Variants in JAK2 observed in about 807,000 individuals in gnomAD.
JAK2 encodes the protein Janus kinase 2.
JAK2 carries 86 observed loss-of-function variants against 139.3 expected under a neutral mutation model. The ratio of observed to expected loss-of-function variants is 0.62; its 90% CI spans 0.52 to 0.74. The LOEUF is 0.74. JAK2 is among the 30% of genes least tolerant of loss of function. The pLI is 0.00. For missense variants in JAK2, 1,421 were observed against 1,360.3 expected, an observed-to-expected ratio of 1.04 and a Z score of -0.70; for synonymous variants, 490 against 437.7, an observed-to-expected ratio of 1.12 and a Z score of -1.49.
chr9:5,015,370 A>T, intron 2 of JAK2, among the ~76,000 whole-genome samples: 1 of 152,240 alleles, frequency 6.6e-6, no homozygotes, highest in African/African-American at 2.4e-5. Context: ...ATGAAATTAA[A>T]ATGATTTTCA....
chr9:5,081,729 T>C lies in JAK2; in HGVS notation c.2439T>C (p.Tyr813=), dbSNP rs776056357. The change falls in exon 19 of 25, where the codon TAT becomes TAC. Residue 813 remains tyrosine (Y), a synonymous_variant. Coordinates refer to ENST00000381652, the MANE Select transcript of JAK2 (RefSeq NM_004972.4). The part of the protein sequence containing the change: ...RDLNSLFTPD[Y]ELLTENDMLP... ...TAATATTCTTTATTTCTCCAGATTA[T>C]GAACTATTAACAGAAAATGACATGT... is the stretch of plus-strand genomic sequence containing the variant. The C allele has an allele frequency of 2.0e-5, 32 of 1,591,054 alleles. No individual in the cohort carries two copies. The highest frequency in any genetic ancestry group is 2.8e-5 in the Non-Finnish European group (32 of 1,159,794).
chr9:5,041,751 A>C (rs1021175204), intron 4 of JAK2: 1 of 491,256 alleles, frequency 2.0e-6, no homozygotes, highest in Non-Finnish European at 4.1e-6. Flanking sequence ...CCCCATCAGC[A>C]GTGTCCACAC....
intron 5 of JAK2, among the ~76,000 whole-genome samples, chr9:5,045,867 C>T: frequency 6.6e-6 from 1 of 152,052 alleles, no homozygotes; most frequent in East Asian, 1.9e-4. Flanking sequence ...CAAATATTTC[C>T]TTGAGTCCCT....
At position 5,126,949 on chromosome 9, in the gene JAK2, G is replaced by GT. The variant is rs1824040806; in HGVS notation, c.*159dup. On this transcript the variant is annotated 3_prime_UTR_variant, in exon 25 of 25. Transcript: ENST00000381652. ...ATCTGCTCAAAACTTTCAAAGTTTA[G>GT]TAAGTTTTTCTTCATGAGGCCACCA... 1 of 411,972 alleles carries GT rather than the reference G, an allele frequency of 2.4e-6. No homozygotes were observed. Among genetic ancestry groups the GT allele is most frequent in the Non-Finnish European group, 4.3e-6 (1 of 234,886 alleles). 25.5% of individuals were successfully genotyped at this position (411,972 alleles called of 1,614,324 possible).
At chr9:5,084,442 C>G (rs1819929211) in intron 19 of JAK2, among the ~76,000 whole-genome samples, 1 of 152,020 alleles carries the variant, frequency 6.6e-6, no homozygotes, top group Non-Finnish European at 1.5e-5. Flanking sequence ...CCTTTGTTAT[C>G]CTTTTCAATT....
At chr9:5,088,852 A>T (rs1249012098) in intron 19 of JAK2, among the ~76,000 whole-genome samples, 1 of 152,170 alleles carries the variant, frequency 6.6e-6, no homozygotes, top group Admixed American at 6.5e-5. Flanking sequence ...TTATAACCTA[A>T]TTTAACTTTT....
At chr9:5,092,977 A>G (rs1036177678) in intron 22 of JAK2, among the ~76,000 whole-genome samples, 1 of 152,228 alleles carries the variant, frequency 6.6e-6, no homozygotes, top group African/African-American at 2.4e-5. Flanking sequence ...AAAAGCAGCC[A>G]ACAATTAAGA....
At chr9:5,111,287 G>A in intron 22 of JAK2, 2 of 478,700 alleles carry the variant, frequency 4.2e-6, no homozygotes, top group Non-Finnish European at 4.0e-6. Flanking sequence ...CTGGCTTCCT[G>A]CCGGGCAAGC....
chr9:5,041,683 A>G, intron 4 of JAK2: 1 of 511,342 alleles, frequency 2.0e-6, no homozygotes, highest in African/African-American at 2.0e-5. Context: ...TACCTCTTCG[A>G]CCGAAGCGGC....
At position 5,064,882 on chromosome 9, in the gene JAK2, G is replaced by T. The variant is rs2130491330; in HGVS notation, c.1057-1G>T. On this transcript the variant is annotated splice_acceptor_variant, in intron 8 of 24. Transcript: ENST00000381652. LOFTEE classifies it high-confidence loss of function. ...TATTTCTTTTTCTTTTCTCTGCTTA[G>T]GAAATTGAACTTAGCTCATTAAGGG... 6.4e-7 allele frequency: 1 copy of T among 1,554,198 alleles called. No individual in the cohort carries two copies.
chr9:5,012,119 G>A (rs1168098625), intron 2 of JAK2, among the ~76,000 whole-genome samples: 1 of 152,048 alleles, frequency 6.6e-6, no homozygotes, highest in Non-Finnish European at 1.5e-5. Context: ...TCAATTTTTG[G>A]CTTTTCTAGC....
At chr9:5,046,641 T>C (rs914940046) in intron 5 of JAK2, among the ~76,000 whole-genome samples, 1 of 152,224 alleles carries the variant, frequency 6.6e-6, no homozygotes, top group African/African-American at 2.4e-5. Flanking sequence ...GCACCATTTG[T>C]TGAAAGACTG....
chr9:4,999,773 G>A (rs12376611), intron 2 of JAK2, among the ~76,000 whole-genome samples: 3,136 of 152,258 alleles, frequency 0.021, 46 homozygotes, highest in Non-Finnish European at 0.031. Context: ...TATCTTTATA[G>A]TATTCTGTTG....
At chr9:5,021,853 C>T in intron 2 of JAK2, 110 bp from the exon 3 acceptor site, 1 of 623,026 alleles carries the variant, frequency 1.6e-6, no homozygotes, top group Non-Finnish European at 2.8e-6. Flanking sequence ...GGCTTGTCTC[C>T]AACTTCTGGG....
At chr9:4,991,323 G>A (rs1820228073) in intron 2 of JAK2, among the ~76,000 whole-genome samples, 1 of 152,084 alleles carries the variant, frequency 6.6e-6, no homozygotes, top group African/African-American at 2.4e-5. Flanking sequence ...ACATTCTTCT[G>A]TTCATCTTTT....
At chr9:5,117,308 A>G (rs888268537) in intron 22 of JAK2, among the ~76,000 whole-genome samples, 2 of 152,226 alleles carry the variant, frequency 1.3e-5, no homozygotes, top group African/African-American at 4.8e-5. Context: ...CTTCTTTAGT[A>G]GACAGTGCGT....
intron 4 of JAK2, among the ~76,000 whole-genome samples, chr9:5,030,427 A>G (rs886753946): frequency 1.2e-4 from 18 of 152,184 alleles, no homozygotes; most frequent in Admixed American, 3.9e-4. Context: ...AGGATGAAAC[A>G]AAGATACGTT....
intron 22 of JAK2, chr9:5,111,747 GA>G: frequency 2.4e-6 from 1 of 424,668 alleles, no homozygotes; most frequent in Non-Finnish European, 4.6e-6. Flanking sequence ...CGGCTGCACG[GA>G]GGAGAAGTGA....
chr9:5,109,370 T>G (rs1210983696), intron 22 of JAK2: 1 of 152,152 alleles, frequency 6.6e-6, no homozygotes, highest in Non-Finnish European at 1.5e-5. Context: ...ACCAAGAAAG[T>G]ATGCAAGAAC....
Sources: gnomAD v4.1 joint callset for allele counts (sites outside exome capture counted in the v4.1 genomes callset) on GRCh38, gnomAD v4.1.1 for gene constraint, MANE v1.5 for transcripts, NCBI Gene and HGNC (gene_info 2026-07-23, HGNC 2026-07-21) for gene names.